Variants in SLC12A5 observed in about 807,000 individuals in gnomAD.
SLC12A5 encodes K-Cl cotransporter 2.
In SLC12A5, 18 loss-of-function variants were observed where a neutral mutation model predicts 124.0. The observed-to-expected ratio is 0.15, with a 90% CI of 0.10 to 0.22. The LOEUF (loss-of-function observed/expected upper bound fraction) is 0.22, where lower values mean the gene tolerates loss of function less well. SLC12A5 is among the 10% of genes least tolerant of loss of function. SLC12A5 has a pLI of 1.00. For synonymous variants in SLC12A5, 589 were observed against 568.0 expected (o/e 1.04, Z -0.53); for missense variants, 867 against 1,478.7 (o/e 0.59, Z 6.78).
intron 1 of SLC12A5, among the ~76,000 whole-genome samples, chr20:46,029,635 G>C (rs932228950): frequency 1.3e-5 from 2 of 152,182 alleles, no homozygotes; most frequent in African/African-American, 4.8e-5. Flanking sequence ...CGCTGCCCAC[G>C]GCTTCGGGCT....
chr20:46,040,189 G>A (rs1480554223), intron 6 of SLC12A5, among the ~76,000 whole-genome samples, 184 bp from the exon 7 acceptor site: 1 of 152,180 alleles, frequency 6.6e-6, no homozygotes, highest in East Asian at 1.9e-4. Context: ...TTTTTAAATG[G>A]CTGCATCATA....
At position 46,047,450 on chromosome 20, in the gene SLC12A5, C is replaced by G; in HGVS notation, c.1788-4C>G. 1.2e-6 allele frequency: 2 copies of G among 1,613,788 alleles called. No individual in the cohort carries two copies. Among genetic ancestry groups the G allele is most frequent in the South Asian group, 2.2e-5 (2 of 91,038 alleles). On this transcript the variant is annotated splice_polypyrimidine_tract_variant and splice_region_variant and intron_variant, in intron 14 of 25. Coordinates refer to ENST00000243964, the MANE Select transcript of SLC12A5 (RefSeq NM_020708.5). ...CAGAGGCTGGGTCTCCCCACCTTGT[C>G]TAGGACCCTCTCCTTCCTGGGCATG...
At position 46,029,335 on chromosome 20, in the gene SLC12A5, C is replaced by G; in HGVS notation, c.-10C>G. The G allele has an allele frequency of 6.5e-7, 1 of 1,544,298 alleles. No individual in the cohort carries two copies. ...GCAGCCATCCCCGGACCAGGGGCCG[C>G]GCCGCCACCATGCTAAACAACCTGA... is the stretch of plus-strand genomic sequence containing the variant. On this transcript the variant is annotated 5_prime_UTR_variant, in exon 1 of 26. Coordinates refer to ENST00000243964, the MANE Select transcript of SLC12A5 (RefSeq NM_020708.5).
intron 8 of SLC12A5, among the ~76,000 whole-genome samples, chr20:46,041,851 C>CT (rs2084550606): frequency 6.6e-6 from 1 of 151,950 alleles, no homozygotes. Flanking sequence ...CTCAAGGAGA[C>CT]TAATGGCAGA....
At chr20:46,034,385 G>T (rs2084479033) in intron 1 of SLC12A5, among the ~76,000 whole-genome samples, 1 of 152,176 alleles carries the variant, frequency 6.6e-6, no homozygotes, top group Admixed American at 6.5e-5. Context: ...CTACTGGTTT[G>T]TCTCCCTGCA....
intron 13 of SLC12A5, 123 bp from the exon 14 acceptor site, chr20:46,046,215 A>AGC: frequency 2.1e-6 from 2 of 934,076 alleles, no homozygotes; most frequent in South Asian, 1.5e-5. Context: ...CCTAAGCACC[A>AGC]CAGCATGATC....
In SLC12A5 at chr20:46,058,541, G is replaced by A. The variant is rs2084718562; in HGVS notation, c.*936G>A. On this transcript the variant is annotated 3_prime_UTR_variant, in exon 26 of 26. Coordinates refer to ENST00000243964, the MANE Select transcript of SLC12A5 (RefSeq NM_020708.5). The surrounding 1 kb of genome is among the most constrained non-coding windows in gnomAD (Gnocchi z 5.8). The stretch of plus-strand genomic sequence containing the variant: ...AAGTTGGGGCCAGGATAGGGGAGGG[G>A]TGCTCCTCAAGAGGAAGAAACCGAG... The A allele has an allele frequency of 2.5e-6, 1 of 399,196 alleles. No homozygotes were observed. Among genetic ancestry groups the A allele is most frequent in the Non-Finnish European group, 4.4e-6 (1 of 226,206 alleles). The allele number at this position is 399,196 out of a possible 1,614,324, so 24.7% of individuals were successfully genotyped here. A position where few individuals can be genotyped will look rare whatever the true frequency, so the allele number is the denominator to read the frequency against.
intron 11 of SLC12A5, 45 bp from the exon 12 acceptor site, chr20:46,044,921 C>A: frequency 6.2e-7 from 1 of 1,612,030 alleles, no homozygotes; most frequent in South Asian, 1.1e-5. Flanking sequence ...CCTGGAAATC[C>A]AGGCAGCACT....
chr20:46,054,775 T>C (rs1227316805), intron 20 of SLC12A5, 141 bp from the exon 21 acceptor site: 4 of 618,288 alleles, frequency 6.5e-6, no homozygotes, highest in African/African-American at 3.7e-5. Flanking sequence ...ACAAAATTAA[T>C]GATTGGGTAG....
In SLC12A5 at chr20:46,041,563, G is replaced by T. The variant is rs1036904351; in HGVS notation, c.1066+23G>T. 8.7e-6 allele frequency: 14 copies of T among 1,611,824 alleles called. No homozygotes were observed. In the African/African-American group the frequency reaches 1.9e-4, roughly 22 times the overall value. On this transcript the variant is annotated intron_variant, in intron 8 of 25. Coordinates refer to ENST00000243964, the MANE Select transcript of SLC12A5 (RefSeq NM_020708.5). Reference sequence around the variant, plus strand: ...AAGGTCTGCGGAGGGACAAGGGCTGGCATCCAGGGAACGCTGCAGGGATTG... The same window carrying T: ...AAGGTCTGCGGAGGGACAAGGGCTGTCATCCAGGGAACGCTGCAGGGATTG...
Position 46,059,428 on chromosome 20 carries a change from G to A in SLC12A5, c.*1823G>A. ...TTTCAGGTACTCAATCAGGAAGCTG[G>A]AGGTGTTAGACACCAGCCCCCTGCA... is the stretch of plus-strand genomic sequence containing the variant. On this transcript the variant is annotated 3_prime_UTR_variant, in exon 26 of 26. Coordinates refer to ENST00000243964, the MANE Select transcript of SLC12A5 (RefSeq NM_020708.5). 7.6e-6 allele frequency: 3 copies of A among 397,300 alleles called. No homozygotes were observed. The highest frequency in any genetic ancestry group is 1.3e-5 in the Non-Finnish European group (3 of 225,554). 24.6% of individuals were successfully genotyped at this position (397,300 alleles called of 1,614,324 possible). A position where few individuals can be genotyped will look rare whatever the true frequency, so the allele number is the denominator to read the frequency against.
At chr20:46,040,665 CCT>C (rs765380078) in intron 7 of SLC12A5, 51 bp downstream of exon 7, 1 of 1,597,570 alleles carries the variant, frequency 6.3e-7, no homozygotes, top group African/African-American at 1.3e-5. Flanking sequence ...CCTCCCTGGC[CCT>C]GTTTCAGAGT....
In SLC12A5 at chr20:46,056,043, G is replaced by A. The variant is rs1037875652; in HGVS notation, c.2788-107G>A. On this transcript the variant is annotated intron_variant, in intron 21 of 25. Transcript: ENST00000243964. This position sits in a 1 kb window ranked among gnomAD's most constrained non-coding sequence, Gnocchi z 4.3. ...TAGCAATATTTTAACAACTGGTACA[G>A]TTCCAGAAAGTGCATCCTGGCTGAA... 7.4e-6 allele frequency: 11 copies of A among 1,481,292 alleles called. No individual in the cohort carries two copies. In the African/African-American group the frequency reaches 1.1e-4, roughly 15 times the overall value. The allele number at this position is 1,481,292 out of a possible 1,614,324, so 91.8% of individuals were successfully genotyped here. A position where few individuals can be genotyped will look rare whatever the true frequency, so the allele number is the denominator to read the frequency against.
chr20:46,051,754 T>A lies in SLC12A5; in HGVS notation c.2261T>A (p.Val754Glu). ...ATCTCCTCCAACTTGCGTGATGGCG[T>A]GTCCCATCTGATCCAGTCCGGGGGC... ...VVISSNLRDG[V>E]SHLIQSGGLG... Residue 754 changes from valine (V) to glutamate (E), a missense_variant, in exon 18 of 26, where the codon GTG (valine) becomes GAG (glutamate). Transcript: ENST00000243964. 2 of 1,611,700 alleles carry A rather than the reference T, an allele frequency of 1.2e-6. No individual in the cohort carries two copies. The highest frequency in any genetic ancestry group is 1.7e-6 in the Non-Finnish European group (2 of 1,178,874).
rs748495864 is a variant in SLC12A5, at chr20:46,056,305, T to C, written c.2910+33T>C. 1.9e-6 allele frequency: 3 copies of C among 1,613,510 alleles called. No individual in the cohort carries two copies. Among genetic ancestry groups the C allele is most frequent in the Non-Finnish European group, 2.5e-6 (3 of 1,179,670 alleles). ...GCTTGGGTGGTTTGGCCCCAACCAG[T>C]GGGAGCAGAGCCCTTGGCCTCCAAA... is the stretch of plus-strand genomic sequence containing the variant. On this transcript the variant is annotated intron_variant, in intron 22 of 25. Coordinates refer to ENST00000243964, the MANE Select transcript of SLC12A5 (RefSeq NM_020708.5). This position sits in a 1 kb window ranked among gnomAD's most constrained non-coding sequence, Gnocchi z 4.3.
upstream of SLC12A5, among the ~76,000 whole-genome samples, chr20:46,025,943 G>T (rs939343669): frequency 4.6e-5 from 7 of 152,136 alleles, no homozygotes; most frequent in Admixed American, 2.0e-4. Context: ...AAGGAGGAAT[G>T]CTATGCCTGC....
At chr20:46,034,908 A>C (rs778793644) in intron 1 of SLC12A5, 40 bp from the exon 2 acceptor site, 1 of 1,597,216 alleles carries the variant, frequency 6.3e-7, no homozygotes, top group South Asian at 1.1e-5. Context: ...TTGGACAACA[A>C]CTGATTGGTT....
Position 46,057,450 on chromosome 20 carries a change from G to C in SLC12A5, c.3260-64G>C. On this transcript the variant is annotated intron_variant, in intron 25 of 25. Coordinates refer to ENST00000243964, the MANE Select transcript of SLC12A5 (RefSeq NM_020708.5). This position sits in a 1 kb window ranked among gnomAD's most constrained non-coding sequence, Gnocchi z 7.1. ...GGGCGCGAGAGGTCCCCTGGCAGCC[G>C]AGCGCGACCCCAATTTCGTCGGGAG... 6.2e-7 allele frequency: 1 copy of C among 1,604,874 alleles called. No homozygotes were observed. The highest frequency in any genetic ancestry group is 8.5e-7 in the Non-Finnish European group (1 of 1,171,812).
At chr20:46,027,260 C>T (rs2084407494), upstream of SLC12A5, among the ~76,000 whole-genome samples, 1 of 152,178 alleles carries the variant, frequency 6.6e-6, no homozygotes, top group Non-Finnish European at 1.5e-5. Flanking sequence ...CACAACTTGT[C>T]TGAATAGCTA....
Sources: allele counts gnomAD v4.1 joint callset (sites outside exome capture counted in the v4.1 genomes callset), GRCh38; gene constraint gnomAD v4.1.1; non-coding constraint Gnocchi (gnomAD v3.1); transcripts MANE v1.5; gene names NCBI Gene and HGNC (gene_info 2026-07-23, HGNC 2026-07-21).